Variants in CGNL1 observed in about 807,000 individuals in gnomAD.
CGNL1 encodes the protein cingulin like 1.
A neutral mutation model predicts 141.2 loss-of-function variants in CGNL1; 132 were observed. The observed-to-expected ratio is 0.93, with a 90% CI of 0.81 to 1.08. The LOEUF (loss-of-function observed/expected upper bound fraction) is 1.08. Among genes scored for constraint, CGNL1 ranks in the 50% least tolerant of loss-of-function variants. The pLI is 0.00. For synonymous variants in CGNL1, 690 were observed against 622.1 expected, an observed-to-expected ratio of 1.11 and a Z score of -1.63; for missense variants, 1,870 against 1,588.6, an observed-to-expected ratio of 1.18 and a Z score of -3.01.
intron 13 of CGNL1, among the ~76,000 whole-genome samples, chr15:57,529,188 G>C (rs1048783414): frequency 6.6e-6 from 1 of 152,184 alleles, no homozygotes; most frequent in Non-Finnish European, 1.5e-5. Context: ...CATGTCCAGA[G>C]AGGAGCCTCC....
rs61564944 is a variant in CGNL1 at position 57,442,182 on chromosome 15, G to GAAAAAA, written c.1698-175_1698-170dup. Among the ~76,000 whole-genome samples the GAAAAAA allele has an allele frequency of 1.3e-4, 13 of 96,512 alleles. 1 individual carries two copies. Among genetic ancestry groups the GAAAAAA allele is most frequent in the African/African-American group, 3.0e-4 (7 of 23,300 alleles). The allele number at this position is 96,512 out of a possible 152,430, so 63.3% of individuals were successfully genotyped here. The stretch of plus-strand genomic sequence containing the variant: ...TTGAGTGGTAACACATCATTTATTT[G>GAAAAAA]AAAAAAAAAAAAAAAAAAAAAGACA... On this transcript the variant is annotated intron_variant, in intron 3 of 18. Transcript: ENST00000281282.
At chr15:57,503,397 C>T (rs1245691812) in intron 8 of CGNL1, among the ~76,000 whole-genome samples, 2 of 152,140 alleles carry the variant, frequency 1.3e-5, no homozygotes, top group Non-Finnish European at 2.9e-5. Flanking sequence ...GCTTGTGGTC[C>T]AGTAAATGAC....
intron 8 of CGNL1, among the ~76,000 whole-genome samples, chr15:57,477,974 G>C (rs1325363081): frequency 6.6e-6 from 1 of 152,208 alleles, no homozygotes; most frequent in South Asian, 2.1e-4. Context: ...CCCCTGTGTA[G>C]CCACTGGTGT....
chr15:57,516,464 C>G (rs1378349712), intron 8 of CGNL1, among the ~76,000 whole-genome samples: 2 of 152,168 alleles, frequency 1.3e-5, no homozygotes, highest in Non-Finnish European at 2.9e-5. Flanking sequence ...GCCAGAGAGT[C>G]AACATTTTAG....
intron 1 of CGNL1, among the ~76,000 whole-genome samples, chr15:57,419,231 C>T (rs570356496): frequency 6.6e-6 from 1 of 152,194 alleles, no homozygotes; most frequent in African/African-American, 2.4e-5. Context: ...GCCTGGCCTC[C>T]CTTTTCTTGA....
intron 8 of CGNL1, among the ~76,000 whole-genome samples, chr15:57,505,037 T>C (rs1273118549): frequency 6.6e-6 from 1 of 151,924 alleles, no homozygotes; most frequent in Non-Finnish European, 1.5e-5. Context: ...AGGGAGGGGG[T>C]GGCATTTTAT....
chr15:57,411,264 C>G (rs2062783637), intron 1 of CGNL1, among the ~76,000 whole-genome samples: 1 of 152,108 alleles, frequency 6.6e-6, no homozygotes, highest in African/African-American at 2.4e-5. Context: ...TTCCTCCTTT[C>G]TTGGAGTCAC....
intron 8 of CGNL1, among the ~76,000 whole-genome samples, chr15:57,467,483 G>A (rs906778252): frequency 4.6e-5 from 7 of 152,040 alleles, no homozygotes; most frequent in Non-Finnish European, 1.0e-4. Flanking sequence ...AGTTAAGGTG[G>A]CTACAGATTC....
At position 57,513,288 on chromosome 15, in the gene CGNL1, G is replaced by GTGTGTGTT. The variant is rs1192103918; in HGVS notation, c.2404-3485_2404-3478dup. Among the ~76,000 whole-genome samples, 5 of 101,272 alleles carry GTGTGTGTT rather than the reference G, an allele frequency of 4.9e-5. 1 individual carries two copies. In the East Asian group the frequency reaches 3.2e-3, roughly 65 times the overall value. The allele number at this position is 101,272 out of a possible 152,430, so 66.4% of individuals were successfully genotyped here. The stretch of plus-strand genomic sequence containing the variant: ...TGTGTGTGTGTGTGTGTGTGTGTGT[G>GTGTGTGTT]TGTGTGTTTGTGTGATTGGCTTCTT... On this transcript the variant is annotated intron_variant, in intron 8 of 18. Transcript: ENST00000281282.
At chr15:57,411,331 C>A (rs933317542) in intron 1 of CGNL1, among the ~76,000 whole-genome samples, 1 of 152,190 alleles carries the variant, frequency 6.6e-6, no homozygotes, top group Non-Finnish European at 1.5e-5. Flanking sequence ...TGTGATCTCT[C>A]TGGGGAGTCA....
At chr15:57,482,010 A>C (rs1207494452) in intron 8 of CGNL1, among the ~76,000 whole-genome samples, 3 of 152,136 alleles carry the variant, frequency 2.0e-5, no homozygotes, top group Non-Finnish European at 4.4e-5. Flanking sequence ...CTAATGGCCA[A>C]TCATGTTGAA....
intron 4 of CGNL1, among the ~76,000 whole-genome samples, chr15:57,444,123 G>A (rs1305262801): frequency 1.3e-5 from 2 of 152,156 alleles, no homozygotes; most frequent in Non-Finnish European, 2.9e-5. Context: ...CCATTCTTCT[G>A]GAGGTAATCA....
chr15:57,385,842 C>G (rs2062476991), intron 1 of CGNL1, among the ~76,000 whole-genome samples: 1 of 152,214 alleles, frequency 6.6e-6, no homozygotes, highest in African/African-American at 2.4e-5. Context: ...GCCAAGGATG[C>G]TGCTAAATAT....
intron 1 of CGNL1, among the ~76,000 whole-genome samples, chr15:57,431,721 G>GTT (rs200713290): frequency 8.1e-6 from 1 of 124,030 alleles, no homozygotes; most frequent in African/African-American, 2.7e-5. Context: ...AACATTTTGA[G>GTT]TTTTTTTTGT....
intron 8 of CGNL1, among the ~76,000 whole-genome samples, chr15:57,507,053 C>T (rs1160797680): frequency 6.6e-6 from 1 of 152,190 alleles, no homozygotes; most frequent in Non-Finnish European, 1.5e-5. Flanking sequence ...TTTCATCACC[C>T]TAAATGAAGC....
In CGNL1 at chr15:57,546,116, A is replaced by C; in HGVS notation, c.3650A>C (p.Glu1217Ala). ...RLKAMKRQVE[E>A]AEEEIDRLES... ...AAAGCCATGAAGCGGCAGGTGGAGG[A>C]GGCTGAGGAGGAAATCGACAGACTG... is the stretch of plus-strand genomic sequence containing the variant. Residue 1217 changes from glutamate to alanine, a missense_variant, in exon 18 of 19, where the codon GAG (glutamate) becomes GCG (alanine). Physicochemically the swap from Glu to Ala is moderately radical, Grantham distance 107. Transcript: ENST00000281282. 2 of 1,613,834 alleles carry C rather than the reference A, an allele frequency of 1.2e-6. No individual in the cohort carries two copies. The highest frequency in any genetic ancestry group is 1.7e-6 in the Non-Finnish European group (2 of 1,179,950).
intron 16 of CGNL1, among the ~76,000 whole-genome samples, chr15:57,545,340 C>T (rs573019525): frequency 2.0e-4 from 31 of 152,320 alleles, no homozygotes; most frequent in African/African-American, 6.7e-4. Context: ...TCAGAAACTC[C>T]GGGCAGGTCG....
intron 1 of CGNL1, among the ~76,000 whole-genome samples, chr15:57,390,823 G>A (rs1189640004): frequency 2.0e-5 from 3 of 152,022 alleles, no homozygotes; most frequent in Non-Finnish European, 2.9e-5. Context: ...GGATGGGCCT[G>A]ATTTTCTTCG....
At chr15:57,519,490 C>G (rs2031094583) in intron 10 of CGNL1, among the ~76,000 whole-genome samples, 1 of 152,146 alleles carries the variant, frequency 6.6e-6, no homozygotes, top group African/African-American at 2.4e-5. Context: ...GGGACTCTCC[C>G]CCAAAATCAG....
Sources: allele counts gnomAD v4.1 joint callset (sites outside exome capture counted in the v4.1 genomes callset), GRCh38; gene constraint gnomAD v4.1.1; transcripts MANE v1.5; gene names NCBI Gene and HGNC (gene_info 2026-07-23, HGNC 2026-07-21).